B4GALT5: variants seen among roughly 807,000 people sequenced by gnomAD.
The protein encoded by B4GALT5 is UDP-Gal:beta-GlcNAc beta-1,4-galactosyltransferase 5.
Under a neutral mutation model 45.0 loss-of-function variants are expected in B4GALT5, and 11 were observed. The ratio of observed to expected loss-of-function variants is 0.24; its 90% CI spans 0.15 to 0.40. The LOEUF is 0.40. Ranked by LOEUF, B4GALT5 falls within the 10% of genes least tolerant of loss-of-function variation. The pLI is 1.00. For missense variants in B4GALT5, 337 were observed against 500.2 expected, an observed-to-expected ratio of 0.67 and a Z score of 3.11; for synonymous variants, 185 against 182.9, an observed-to-expected ratio of 1.01 and a Z score of -0.09.
At chr20:49,694,062 G>C (rs559612779) in intron 1 of B4GALT5, among the ~76,000 whole-genome samples, 1 of 152,312 alleles carries the variant, frequency 6.6e-6, no homozygotes, top group East Asian at 1.9e-4. Flanking sequence ...GATCAACTAA[G>C]CTAGCAGAAG....
At chr20:49,697,290 T>C (rs2085843198) in intron 1 of B4GALT5, among the ~76,000 whole-genome samples, 1 of 152,262 alleles carries the variant, frequency 6.6e-6, no homozygotes, top group Admixed American at 6.5e-5. Context: ...CACCTGCTCC[T>C]CAAGCGCAGC....
chr20:49,679,982 C>G (rs774997572), intron 1 of B4GALT5, among the ~76,000 whole-genome samples: 4 of 152,198 alleles, frequency 2.6e-5, no homozygotes, highest in Non-Finnish European at 4.4e-5. Flanking sequence ...ATACCTCTCA[C>G]TAAATACATT....
intron 1 of B4GALT5, among the ~76,000 whole-genome samples, chr20:49,661,565 T>C (rs1168798997): frequency 6.6e-6 from 1 of 152,166 alleles, no homozygotes; most frequent in Non-Finnish European, 1.5e-5. Flanking sequence ...CAGTACTTTC[T>C]AATAATATGG....
rs529264034 is a variant in B4GALT5, at chr20:49,637,948, G to A, written c.918-506C>T. Among the ~76,000 whole-genome samples the A allele has an allele frequency of 3.3e-5, 5 of 151,920 alleles. No homozygotes were observed. In the East Asian group the frequency reaches 9.7e-4, roughly 29 times the overall value. Reference sequence around the variant, plus strand: ...GTCTCAAAAAAGAAAAGAAAAGTACGGAAAGAAATGGTTACTTCCAGGGAA... The same window carrying A: ...GTCTCAAAAAAGAAAAGAAAAGTACAGAAAGAAATGGTTACTTCCAGGGAA... On this transcript the variant is annotated intron_variant, in intron 7 of 8. Coordinates refer to ENST00000371711, the MANE Select transcript of B4GALT5 (RefSeq NM_004776.4).
intron 1 of B4GALT5, among the ~76,000 whole-genome samples, chr20:49,698,919 A>G (rs762138482): frequency 5.3e-5 from 8 of 152,154 alleles, no homozygotes; most frequent in Non-Finnish European, 1.2e-4. Flanking sequence ...CGGTTTTCCA[A>G]TTTCACAAAG....
At chr20:49,674,984 G>C (rs192131550) in intron 1 of B4GALT5, among the ~76,000 whole-genome samples, 1 of 152,238 alleles carries the variant, frequency 6.6e-6, no homozygotes, top group African/African-American at 2.4e-5. Context: ...CTACTGGCTA[G>C]GTGCAAAGAC....
At chr20:49,652,863 G>A (rs1275734991) in intron 2 of B4GALT5, among the ~76,000 whole-genome samples, 1 of 152,216 alleles carries the variant, frequency 6.6e-6, no homozygotes, top group East Asian at 1.9e-4. Context: ...AGCAGAGGAT[G>A]GTGCATAATC....
intron 2 of B4GALT5, among the ~76,000 whole-genome samples, chr20:49,653,990 C>T (rs1363543040): frequency 6.6e-6 from 1 of 152,140 alleles, no homozygotes; most frequent in East Asian, 1.9e-4. Flanking sequence ...CTGCTGCATG[C>T]CCCTCTAACT....
rs535112617 is a variant in B4GALT5 at position 49,646,395 on chromosome 20, C to A, written c.364+570G>T. Among the ~76,000 whole-genome samples the A allele has an allele frequency of 1.8e-4, 27 of 151,840 alleles. No individual in the cohort carries two copies. The East Asian group carries it at 5.2e-3, about 29-fold the overall frequency. On this transcript the variant is annotated intron_variant, in intron 3 of 8. Transcript: ENST00000371711. ...CTGCAGGCTCCGTTCATGGTAAGTA[C>A]CCTACACAGCTGTACCATTTTTTAT...
intron 1 of B4GALT5, among the ~76,000 whole-genome samples, chr20:49,680,189 T>G (rs577530916): frequency 9.2e-5 from 14 of 152,298 alleles, no homozygotes; most frequent in Non-Finnish European, 1.8e-4. Context: ...ATTTTACTAG[T>G]AGCACAAATA....
chr20:49,677,397 A>G (rs2085742540), intron 1 of B4GALT5, among the ~76,000 whole-genome samples: 1 of 152,186 alleles, frequency 6.6e-6, no homozygotes, highest in Admixed American at 6.5e-5. Context: ...CATTTCCAGG[A>G]TAGCACTATT....
At chr20:49,682,815 C>T (rs1005811957) in intron 1 of B4GALT5, among the ~76,000 whole-genome samples, 17 of 152,040 alleles carry the variant, frequency 1.1e-4, no homozygotes, top group African/African-American at 3.6e-4. Flanking sequence ...AATTCTAGGC[C>T]GGCGCAGTGG....
intron 1 of B4GALT5, among the ~76,000 whole-genome samples, chr20:49,712,813 A>T (rs2085920914): frequency 1.8e-5 from 1 of 55,690 alleles, no homozygotes; most frequent in South Asian, 7.2e-4. Context: ...GGTGACAAGG[A>T]TGTGCCCTTG....
At chr20:49,660,662 C>T (rs2085661374) in intron 1 of B4GALT5, among the ~76,000 whole-genome samples, 2 of 152,148 alleles carry the variant, frequency 1.3e-5, no homozygotes, top group Non-Finnish European at 2.9e-5. Context: ...ACAAATCAAA[C>T]TGTAGGACCT....
At chr20:49,663,690 A>AATATATATATATAT (rs1219181634) in intron 1 of B4GALT5, among the ~76,000 whole-genome samples, 4 of 96,946 alleles carry the variant, frequency 4.1e-5, no homozygotes, top group African/African-American at 1.8e-4. Context: ...AAAAAAAAAA[A>AATATATATATATAT]ATATATACAT....
At chr20:49,702,626 G>T (rs1398042449) in intron 1 of B4GALT5, among the ~76,000 whole-genome samples, 3 of 151,936 alleles carry the variant, frequency 2.0e-5, no homozygotes, top group African/African-American at 7.3e-5. Flanking sequence ...AGGCGGGGGT[G>T]GGAGGATGGC....
At chr20:49,674,643 C>G (rs2085730130) in intron 1 of B4GALT5, among the ~76,000 whole-genome samples, 1 of 150,480 alleles carries the variant, frequency 6.6e-6, no homozygotes, top group Non-Finnish European at 1.5e-5. Context: ...CCAGTAGTTA[C>G]AGAGACCAGA....
At chr20:49,701,006 A>G (rs1157411822) in intron 1 of B4GALT5, among the ~76,000 whole-genome samples, 1 of 152,210 alleles carries the variant, frequency 6.6e-6, no homozygotes, top group African/African-American at 2.4e-5. Context: ...AATTAAACAC[A>G]TCTGTCCAGA....
intron 2 of B4GALT5, among the ~76,000 whole-genome samples, chr20:49,651,314 C>G (rs967000850): frequency 6.6e-6 from 1 of 150,662 alleles, no homozygotes; most frequent in South Asian, 2.1e-4. Context: ...ACAGGCCAGG[C>G]ACAGTGGCTC....
Sources: allele counts gnomAD v4.1 joint callset (sites outside exome capture counted in the v4.1 genomes callset), GRCh38; gene constraint gnomAD v4.1.1; transcripts MANE v1.5; gene names NCBI Gene and HGNC (gene_info 2026-07-23, HGNC 2026-07-21).